SLCO3A1: variants seen among roughly 807,000 people sequenced by gnomAD.
The protein encoded by SLCO3A1 is PGE1 transporter.
SLCO3A1 carries 27 observed loss-of-function variants against 63.1 expected under a neutral mutation model. The ratio of observed to expected loss-of-function variants is 0.43; its 90% CI spans 0.32 to 0.59. The LOEUF (loss-of-function observed/expected upper bound fraction) is 0.59, where lower values mean the gene tolerates loss of function less well. Among genes scored for constraint, SLCO3A1 ranks in the 20% least tolerant of loss-of-function variants. The pLI, the probability that SLCO3A1 is intolerant of heterozygous loss-of-function variation, is 0.09. For synonymous variants in SLCO3A1, 473 were observed against 409.9 expected, an observed-to-expected ratio of 1.15 and a Z score of -1.86; for missense variants, 773 against 945.8, an observed-to-expected ratio of 0.82 and a Z score of 2.40.
At chr15:92,012,803 G>A (rs2046383697) in intron 2 of SLCO3A1, among the ~76,000 whole-genome samples, 3 of 149,982 alleles carry the variant, frequency 2.0e-5, no homozygotes, top group African/African-American at 7.3e-5. Context: ...GCTCGACTGA[G>A]GTAGAAACAT....
intron 2 of SLCO3A1, among the ~76,000 whole-genome samples, chr15:92,064,325 T>C (rs1323554157): frequency 6.6e-6 from 1 of 152,260 alleles, no homozygotes; most frequent in Non-Finnish European, 1.5e-5. Context: ...GAGTTCTTTG[T>C]ATATTCTGGT....
intron 2 of SLCO3A1, among the ~76,000 whole-genome samples, chr15:91,998,124 G>A (rs1179944173): frequency 6.6e-6 from 1 of 152,184 alleles, no homozygotes; most frequent in African/African-American, 2.4e-5. Context: ...AAATTAATAA[G>A]AAACTTAATT....
At chr15:91,877,783 A>G (rs986923129) in intron 1 of SLCO3A1, among the ~76,000 whole-genome samples, 10 of 152,254 alleles carry the variant, frequency 6.6e-5, no homozygotes, top group East Asian at 1.9e-4. Flanking sequence ...CTATAGAAGG[A>G]GGCGTTTTAG....
At chr15:91,909,381 T>G (rs377495851) in intron 1 of SLCO3A1, among the ~76,000 whole-genome samples, 1 of 152,290 alleles carries the variant, frequency 6.6e-6, no homozygotes, top group African/African-American at 2.4e-5. Flanking sequence ...GGTGGTAGAG[T>G]TGAGTAGCTG....
At chr15:92,157,607 C>T (rs747106869) in intron 9 of SLCO3A1, among the ~76,000 whole-genome samples, 1 of 151,966 alleles carries the variant, frequency 6.6e-6, no homozygotes, top group African/African-American at 2.4e-5. Flanking sequence ...TCTCCTGCCT[C>T]AGCCTCCCGG....
chr15:91,959,405 T>TCCAAAA (rs56254108), intron 2 of SLCO3A1, among the ~76,000 whole-genome samples: 9,074 of 151,970 alleles, frequency 0.06, 397 homozygotes, highest in Non-Finnish European at 0.091. Flanking sequence ...GAAAAACCAC[T>TCCAAAA]GGTACTCCAA....
chr15:92,111,664 A>C (rs932794384), intron 4 of SLCO3A1, among the ~76,000 whole-genome samples: 1 of 152,200 alleles, frequency 6.6e-6, no homozygotes, highest in African/African-American at 2.4e-5. Context: ...GTCCATAGAT[A>C]AGCTACAGCT....
At chr15:91,877,803 A>G (rs1897438025) in intron 1 of SLCO3A1, among the ~76,000 whole-genome samples, 1 of 152,164 alleles carries the variant, frequency 6.6e-6, no homozygotes, top group African/African-American at 2.4e-5. Flanking sequence ...GGAAGCTAGT[A>G]GCTCAATGAA....
rs563122796 is a variant in SLCO3A1, at chr15:91,885,744, T to C, written c.181-30249T>C. 1.1e-4 allele frequency among the ~76,000 whole-genome samples: 16 copies of C among 152,246 alleles called. No individual in the cohort carries two copies. Among genetic ancestry groups the C allele is most frequent in the Non-Finnish European group, 2.4e-4 (16 of 68,046 alleles). On this transcript the variant is annotated intron_variant, in intron 1 of 9. Transcript: ENST00000318445. This position sits in a 1 kb window ranked among gnomAD's most constrained non-coding sequence, Gnocchi z 4.7. ...GTCTGACAATTCAGATCCCTTCGCC[T>C]TCCCCTCCCCTATTTTTATGGCTGC...
At chr15:92,098,941 A>T (rs544529189) in intron 3 of SLCO3A1, among the ~76,000 whole-genome samples, 8 of 152,352 alleles carry the variant, frequency 5.3e-5, no homozygotes, top group African/African-American at 1.9e-4. Flanking sequence ...TTCCACAGCT[A>T]GGGATAGAGC....
intron 2 of SLCO3A1, among the ~76,000 whole-genome samples, chr15:91,923,960 C>T (rs1045174464): frequency 1.3e-5 from 2 of 152,144 alleles, no homozygotes; most frequent in East Asian, 1.9e-4. Context: ...TTAGCCTTGT[C>T]GACGTTGGCT....
At chr15:92,036,120 GC>G (rs2151483683) in intron 2 of SLCO3A1, among the ~76,000 whole-genome samples, 1 of 152,308 alleles carries the variant, frequency 6.6e-6, no homozygotes, top group South Asian at 2.1e-4. Context: ...AGAGGAAGAT[GC>G]CCCATCTGTT....
chr15:91,998,342 T>A (rs547675790), intron 2 of SLCO3A1, among the ~76,000 whole-genome samples: 1 of 152,088 alleles, frequency 6.6e-6, no homozygotes, highest in African/African-American at 2.4e-5. Flanking sequence ...TAATCCCAGC[T>A]ACTCAGGAGG....
rs1463689609 is a variant in SLCO3A1, at chr15:91,880,115, GTCCGTCCGTCCGTCCGTCCATCCA to G, written c.180+26031_180+26054del. On this transcript the variant is annotated intron_variant, in intron 1 of 9. Transcript: ENST00000318445. ...TGTATGTGTGTCCGTCCGTCCGTCCGTCCGTCCGTCCGTCCGTCCATCCATCCATCCATCCATCCATCCATCCAT... is the reference window on the plus strand; with the variant it reads ...TGTATGTGTGTCCGTCCGTCCGTCCGTCCATCCATCCATCCATCCATCCAT... Among the ~76,000 whole-genome samples the G allele has an allele frequency of 1.2e-3, 135 of 115,848 alleles. No homozygotes were observed. The South Asian group carries it at 0.012, about 11-fold the overall frequency. 76.0% of individuals were successfully genotyped at this position (115,848 alleles called of 152,430 possible).
chr15:92,158,248 C>T (rs1329088051), intron 9 of SLCO3A1, among the ~76,000 whole-genome samples: 1 of 152,104 alleles, frequency 6.6e-6, no homozygotes, highest in Non-Finnish European at 1.5e-5. Flanking sequence ...CACTTCAAAA[C>T]CAGGCTTCTT....
chr15:92,169,690 C>G (rs959522932), downstream of SLCO3A1, among the ~76,000 whole-genome samples: 2 of 152,254 alleles, frequency 1.3e-5, no homozygotes, highest in African/African-American at 4.8e-5. Flanking sequence ...ACCTGCCATG[C>G]CTGGCACCCC....
intron 2 of SLCO3A1, among the ~76,000 whole-genome samples, chr15:91,986,419 C>A (rs1226541511): frequency 6.6e-6 from 1 of 152,002 alleles, no homozygotes; most frequent in Non-Finnish European, 1.5e-5. Context: ...GCTCACTGTC[C>A]CAAAGAAAGG....
intron 6 of SLCO3A1, 34 bp from the exon 7 acceptor site, chr15:92,128,317 T>G: frequency 6.2e-7 from 1 of 1,613,458 alleles, no homozygotes; most frequent in Non-Finnish European, 8.5e-7. Context: ...ATTGACCTGT[T>G]TCTAATGGCT....
chr15:92,053,351 C>A (rs1340756895), intron 2 of SLCO3A1, among the ~76,000 whole-genome samples: 2 of 152,162 alleles, frequency 1.3e-5, no homozygotes, highest in African/African-American at 4.8e-5. Context: ...AGAGAGTTCC[C>A]ACAGACCCCA....
Sources: gnomAD v4.1 joint callset for allele counts (sites outside exome capture counted in the v4.1 genomes callset) on GRCh38, gnomAD v4.1.1 for gene constraint, Gnocchi (gnomAD v3.1) non-coding constraint, MANE v1.5 for transcripts, NCBI Gene and HGNC (gene_info 2026-07-23, HGNC 2026-07-21) for gene names.